Variants in GNAQ observed in about 807,000 individuals in gnomAD.
GNAQ encodes guanine nucleotide-binding protein G(q) subunit alpha.
GNAQ carries 8 observed loss-of-function variants against 43.9 expected under a neutral mutation model. The ratio of observed to expected loss-of-function variants is 0.18; its 90% CI spans 0.11 to 0.33. The LOEUF (loss-of-function observed/expected upper bound fraction) is 0.33, where lower values mean the gene tolerates loss of function less well. GNAQ is among the 10% of genes least tolerant of loss of function. The probability of loss-of-function intolerance (pLI) is 1.00; values close to 1 mark genes in which losing one functional copy is unlikely to be tolerated. For synonymous variants in GNAQ, 155 were observed against 170.7 expected (o/e 0.91, Z 0.71); for missense variants, 158 against 450.8 (o/e 0.35, Z 5.88).
intron 1 of GNAQ, among the ~76,000 whole-genome samples, chr9:77,968,166 T>C (rs560403025): frequency 1.3e-5 from 2 of 152,328 alleles, no homozygotes; most frequent in East Asian, 3.9e-4. Flanking sequence ...CCACTGAGTA[T>C]ACTTAAAATG....
At chr9:78,023,641 G>A (rs1223085013) in intron 1 of GNAQ, among the ~76,000 whole-genome samples, 2 of 149,770 alleles carry the variant, frequency 1.3e-5, no homozygotes, top group Admixed American at 6.7e-5. Flanking sequence ...AGAAAATGTA[G>A]GAAAGAAACA....
intron 2 of GNAQ, among the ~76,000 whole-genome samples, chr9:77,913,951 T>G (rs1828852941): frequency 6.6e-6 from 1 of 152,228 alleles, no homozygotes; most frequent in Non-Finnish European, 1.5e-5. Flanking sequence ...ACTGCTGAAG[T>G]CTTCCTTTGT....
intron 5 of GNAQ, among the ~76,000 whole-genome samples, chr9:77,761,505 T>G (rs1300790834): frequency 9.9e-6 from 1 of 100,892 alleles, no homozygotes; most frequent in Admixed American, 1.1e-4. Context: ...GGTGGGGAGG[T>G]CAGCCCCCCG....
At chr9:77,770,388 A>G (rs1027352191) in intron 5 of GNAQ, among the ~76,000 whole-genome samples, 11 of 152,308 alleles carry the variant, frequency 7.2e-5, no homozygotes, top group Admixed American at 5.9e-4. Context: ...TTCCCATCCC[A>G]AGACCCCAAA....
intron 5 of GNAQ, among the ~76,000 whole-genome samples, chr9:77,747,670 G>A (rs1295205002): frequency 6.6e-6 from 1 of 152,170 alleles, no homozygotes; most frequent in Non-Finnish European, 1.5e-5. Context: ...GAAAACTTTA[G>A]GTATTCTGAG....
At chr9:77,825,929 C>T (rs1827188485) in intron 2 of GNAQ, among the ~76,000 whole-genome samples, 1 of 152,036 alleles carries the variant, frequency 6.6e-6, no homozygotes, top group Admixed American at 6.6e-5. Flanking sequence ...GCACATCTAC[C>T]TGATACAGCA....
chr9:77,763,113 AAAAC>A (rs1304967984), intron 5 of GNAQ, among the ~76,000 whole-genome samples: 4 of 141,346 alleles, frequency 2.8e-5, no homozygotes, highest in South Asian at 2.4e-4. Context: ...AAATTAAAAA[AAAAC>A]AAAAAAATAA....
At chr9:77,934,776 T>C (rs1829207654) in intron 1 of GNAQ, among the ~76,000 whole-genome samples, 1 of 152,242 alleles carries the variant, frequency 6.6e-6, no homozygotes, top group Non-Finnish European at 1.5e-5. Flanking sequence ...GAGCAGTTAC[T>C]GACCTTTAAG....
rs79395622 is a variant in GNAQ, at chr9:77,918,893, G to A, written c.321+3268C>T. The stretch of plus-strand genomic sequence containing the variant: ...TCATTTCGACAAGTTTAGGGCAGAC[G>A]AGGAGACTCTCAATTGTTAAGCTCA... On this transcript the variant is annotated intron_variant, in intron 2 of 6. Coordinates refer to ENST00000286548, the MANE Select transcript of GNAQ (RefSeq NM_002072.5). Among the ~76,000 whole-genome samples the A allele has an allele frequency of 1.1e-4, 16 of 152,246 alleles. No individual in the cohort carries two copies. In the East Asian group the frequency reaches 2.3e-3, roughly 22 times the overall value.
intron 1 of GNAQ, among the ~76,000 whole-genome samples, chr9:77,982,783 C>A (rs529368762): frequency 6.7e-5 from 10 of 148,404 alleles, no homozygotes; most frequent in Non-Finnish European, 3.0e-5. Context: ...ACATCACACA[C>A]CAGGGCCTGT....
chr9:77,727,104 T>TC (rs1825409126), intron 6 of GNAQ, among the ~76,000 whole-genome samples: 1 of 120,314 alleles, frequency 8.3e-6, no homozygotes, highest in African/African-American at 2.8e-5. Flanking sequence ...TTTTTTTTTT[T>TC]TGAGACAGGG....
chr9:77,796,409 A>G (rs1042045351), intron 4 of GNAQ, among the ~76,000 whole-genome samples: 1 of 152,040 alleles, frequency 6.6e-6, no homozygotes, highest in Admixed American at 6.6e-5. Context: ...TAGAAAATCA[A>G]CTCTCCACAC....
Position 77,872,300 on chromosome 9 carries a change from C to T in GNAQ, c.321+49861G>A, listed in dbSNP as rs567208981. ...AATTCCTAACATCACTGTCAAATTA[C>T]CATTAAACTACTAGGATCTGAGTTC... On this transcript the variant is annotated intron_variant, in intron 2 of 6. Coordinates refer to ENST00000286548, the MANE Select transcript of GNAQ (RefSeq NM_002072.5). Among the ~76,000 whole-genome samples, 42 of 152,160 alleles carry T rather than the reference C, an allele frequency of 2.8e-4. 1 individual carries two copies. The highest frequency in any genetic ancestry group is 5.4e-4 in the Non-Finnish European group (37 of 68,016).
At chr9:77,723,780 G>A (rs1385652649) in intron 6 of GNAQ, among the ~76,000 whole-genome samples, 1 of 152,160 alleles carries the variant, frequency 6.6e-6, no homozygotes, top group East Asian at 1.9e-4. Flanking sequence ...CAAGGGTTAG[G>A]GGGAGGAAGG....
chr9:77,885,289 G>A (rs1484030079), intron 2 of GNAQ, among the ~76,000 whole-genome samples: 2 of 152,140 alleles, frequency 1.3e-5, no homozygotes, highest in Non-Finnish European at 2.9e-5. Flanking sequence ...AAGGAGCCGG[G>A]GAAGGCTGAG....
chr9:77,984,766 T>A (rs1564170615), intron 1 of GNAQ, among the ~76,000 whole-genome samples: 2 of 152,160 alleles, frequency 1.3e-5, no homozygotes, highest in Non-Finnish European at 2.9e-5. Context: ...GAAACTCTGC[T>A]TTACAATGCA....
chr9:77,769,533 G>A (rs1826187486), intron 5 of GNAQ, among the ~76,000 whole-genome samples: 1 of 152,160 alleles, frequency 6.6e-6, no homozygotes, highest in Non-Finnish European at 1.5e-5. Context: ...CAGGCAGGAA[G>A]AAGGTGAGGT....
intron 5 of GNAQ, among the ~76,000 whole-genome samples, chr9:77,759,056 T>C (rs1332242968): frequency 6.6e-6 from 1 of 152,150 alleles, no homozygotes; most frequent in Non-Finnish European, 1.5e-5. Context: ...ATTAAACAAT[T>C]TGAATATGTA....
At chr9:77,946,010 C>CT (rs1340712123) in intron 1 of GNAQ, among the ~76,000 whole-genome samples, 18 of 152,300 alleles carry the variant, frequency 1.2e-4, no homozygotes, top group Admixed American at 4.6e-4. Flanking sequence ...TGCCTTGCTA[C>CT]TTTAAGTGGA....
Sources: gnomAD v4.1 joint callset for allele counts (sites outside exome capture counted in the v4.1 genomes callset) on GRCh38, gnomAD v4.1.1 for gene constraint, MANE v1.5 for transcripts, NCBI Gene and HGNC (gene_info 2026-07-23, HGNC 2026-07-21) for gene names.